UTRN: variants seen among roughly 807,000 people sequenced by gnomAD.
UTRN encodes dystrophin-related protein 1.
UTRN carries 283 observed loss-of-function variants against 463.9 expected under a neutral mutation model. That is an observed-to-expected ratio of 0.61 (90% confidence interval 0.55 to 0.67). The LOEUF (loss-of-function observed/expected upper bound fraction) is 0.67. Among genes scored for constraint, UTRN ranks in the 30% least tolerant of loss-of-function variants. The pLI, the probability that UTRN is intolerant of heterozygous loss-of-function variation, is 0.00. For missense variants in UTRN, 3,922 were observed against 4,084.3 expected (o/e 0.96, Z 1.08); for synonymous variants, 1,442 against 1,431.5 (o/e 1.01, Z -0.17).
At chr6:144,312,559 T>A (rs369679042) in intron 2 of UTRN, among the ~76,000 whole-genome samples, 1 of 152,246 alleles carries the variant, frequency 6.6e-6, no homozygotes, top group African/African-American at 2.4e-5. Context: ...ATAGTTTTAA[T>A]CATATTGCAC....
intron 51 of UTRN, among the ~76,000 whole-genome samples, chr6:144,618,836 A>G (rs969573011): frequency 2.6e-5 from 4 of 152,144 alleles, no homozygotes; most frequent in African/African-American, 9.7e-5. Context: ...ACAGCCAAAT[A>G]AAGTTAGAAC....
intron 51 of UTRN, among the ~76,000 whole-genome samples, chr6:144,661,452 T>G (rs1477806327): frequency 6.6e-6 from 1 of 152,172 alleles, no homozygotes; most frequent in Non-Finnish European, 1.5e-5. Context: ...GGATTAGGCT[T>G]GTAACACAGG....
intron 52 of UTRN, among the ~76,000 whole-genome samples, chr6:144,697,937 C>T (rs752963900): frequency 1.1e-4 from 16 of 152,090 alleles, no homozygotes; most frequent in East Asian, 1.9e-4. Flanking sequence ...AAACTACAGA[C>T]GTTGAAGATG....
chr6:144,679,892 CTG>C (rs1169709399), intron 52 of UTRN, among the ~76,000 whole-genome samples: 1 of 152,044 alleles, frequency 6.6e-6, no homozygotes, highest in Non-Finnish European at 1.5e-5. Flanking sequence ...CATGGATGCT[CTG>C]TGTAAAGTTC....
In UTRN at chr6:144,348,802, C is replaced by A. The variant is rs372752304; in HGVS notation, c.80-54321C>A. On this transcript the variant is annotated intron_variant, in intron 2 of 74. Transcript: ENST00000367545. ...ATACAAAATGAGCCGGGCCTAGTGG[C>A]GCATGCCTGTAAACCCAGCTACTAG... 3.7e-3 allele frequency among the ~76,000 whole-genome samples: 563 copies of A among 152,112 alleles called. 3 individuals are homozygous for A. Among genetic ancestry groups the A allele is most frequent in the African/African-American group, 0.012 (502 of 41,500 alleles).
intron 65 of UTRN, among the ~76,000 whole-genome samples, chr6:144,811,648 TG>T: frequency 6.6e-6 from 1 of 152,264 alleles, no homozygotes; most frequent in African/African-American, 2.4e-5. Flanking sequence ...TCTTACTGAT[TG>T]CATCCTATCC....
chr6:144,844,226 C>T (rs10499238), intron 73 of UTRN, among the ~76,000 whole-genome samples: 8,042 of 151,218 alleles, frequency 0.053, 215 homozygotes, highest in Middle Eastern at 0.1. Flanking sequence ...TAGAAATCAG[C>T]GTGGGAGGTA....
At chr6:144,294,036 G>A (rs1051751006) in intron 2 of UTRN, among the ~76,000 whole-genome samples, 5 of 151,760 alleles carry the variant, frequency 3.3e-5, no homozygotes, top group African/African-American at 1.2e-4. Flanking sequence ...GTTAATAGTG[G>A]TCATCTTGGC....
intron 51 of UTRN, among the ~76,000 whole-genome samples, chr6:144,646,680 A>T (rs1056985969): frequency 6.6e-6 from 1 of 152,254 alleles, no homozygotes. Context: ...ACACATAAAA[A>T]TTCAAACTGG....
At chr6:144,688,863 G>T (rs1327091316) in intron 52 of UTRN, among the ~76,000 whole-genome samples, 1 of 152,178 alleles carries the variant, frequency 6.6e-6, no homozygotes, top group Non-Finnish European at 1.5e-5. Context: ...CAGTAGTGGA[G>T]GTGTCCATGA....
At chr6:144,683,935 C>G (rs567976341) in intron 52 of UTRN, among the ~76,000 whole-genome samples, 1 of 152,244 alleles carries the variant, frequency 6.6e-6, no homozygotes, top group East Asian at 1.9e-4. Context: ...AACAACATCT[C>G]CTTAGAAGTG....
intron 51 of UTRN, among the ~76,000 whole-genome samples, chr6:144,669,956 G>GGTGTGTGTGTGTGT (rs35769043): frequency 5.3e-4 from 78 of 148,000 alleles, no homozygotes; most frequent in African/African-American, 1.7e-3. Flanking sequence ...AGTATTCCAT[G>GGTGTGTGTGTGTGT]GTGTGTGTGT....
chr6:144,289,969 T>G (rs911705348), intron 1 of UTRN, among the ~76,000 whole-genome samples: 1 of 152,334 alleles, frequency 6.6e-6, no homozygotes, highest in East Asian at 1.9e-4. Flanking sequence ...TTCCCACTTA[T>G]TTTACAATAC....
intron 3 of UTRN, among the ~76,000 whole-genome samples, chr6:144,406,278 C>G (rs925822635): frequency 2.0e-5 from 3 of 152,042 alleles, no homozygotes; most frequent in Non-Finnish European, 2.9e-5. Flanking sequence ...AATACATGGA[C>G]CACTGTGATA....
At position 144,772,016 on chromosome 6, in the gene UTRN, GTTTTTTTTT is replaced by G. The variant is rs748399313; in HGVS notation, c.8557+77_8557+85del. 4.7e-3 allele frequency: 595 copies of G among 127,448 alleles called. 6 individuals carry two copies. Among genetic ancestry groups the G allele is most frequent in the African/African-American group, 0.03 (422 of 14,072 alleles). 7.9% of individuals were successfully genotyped at this position (127,448 alleles called of 1,614,324 possible). On this transcript the variant is annotated intron_variant, in intron 59 of 74. Transcript: ENST00000367545. ...AATTAACCTAAACAACTGAGAACCG[GTTTTTTTTT>G]TTTTTTTTTTTTTTTTTTTTTTTTT...
Position 144,479,821 on chromosome 6 carries a change from C to A in UTRN, c.3346C>A (p.Gln1116Lys). ...GGCTTTTCCTTTGTAGATCGCTACT[C>A]AAAAAAGTAGGTTGTCTGAAAGTCA... ...LEKLSKEIATQKSRLSESQEK... is the reference protein window; with the variant it reads ...LEKLSKEIATKKSRLSESQEK... Residue 1116 changes from glutamine to lysine, a missense_variant, in exon 26 of 75, where the codon CAA becomes AAA. Gln to Lys is a moderately conservative substitution (Grantham distance 53). Transcript: ENST00000367545. The A allele has an allele frequency of 6.2e-7, 1 of 1,612,604 alleles. No homozygotes were observed.
intron 54 of UTRN, among the ~76,000 whole-genome samples, chr6:144,731,789 C>G (rs1201719007): frequency 6.6e-6 from 1 of 152,172 alleles, no homozygotes; most frequent in Non-Finnish European, 1.5e-5. Flanking sequence ...TCCTACAAAG[C>G]TAAGTCATTG....
At chr6:144,439,021 T>TAGCA in intron 12 of UTRN, 126 bp downstream of exon 12, 1 of 1,037,032 alleles carries the variant, frequency 9.6e-7, no homozygotes, top group Non-Finnish European at 1.4e-6. Context: ...TGTCTTCATT[T>TAGCA]AGCAGCTCAC....
intron 9 of UTRN, 49 bp downstream of exon 9, chr6:144,429,790 T>A (rs776277701): frequency 1.3e-4 from 206 of 1,579,560 alleles, no homozygotes; most frequent in Non-Finnish European, 1.7e-4. Context: ...ATTTGTTTTC[T>A]CCTAGGTACT....
Sources: allele counts gnomAD v4.1 joint callset (sites outside exome capture counted in the v4.1 genomes callset), GRCh38; gene constraint gnomAD v4.1.1; transcripts MANE v1.5; gene names NCBI Gene and HGNC (gene_info 2026-07-23, HGNC 2026-07-21).